Variants in MTHFD2 observed in about 807,000 individuals in gnomAD.
MTHFD2 encodes the protein methylenetetrahydrofolate dehydrogenase (NADP+ dependent) 2, methenyltetrahydrofolate cyclohydrolase.
In MTHFD2, 26 loss-of-function variants were observed where a neutral mutation model predicts 36.8. That is an observed-to-expected ratio of 0.71 (90% confidence interval 0.52 to 0.98). The LOEUF is 0.98. Among genes scored for constraint, MTHFD2 ranks in the 50% least tolerant of loss-of-function variants. MTHFD2 has a pLI of 0.00. For synonymous variants in MTHFD2, 164 were observed against 155.2 expected, an observed-to-expected ratio of 1.06 and a Z score of -0.42; for missense variants, 373 against 434.0, an observed-to-expected ratio of 0.86 and a Z score of 1.25.
intron 2 of MTHFD2, chr2:74,206,322 T>A (rs1334159256): frequency 6.5e-6 from 1 of 154,582 alleles, no homozygotes; most frequent in Non-Finnish European, 1.4e-5. Context: ...AGTCGTAGAT[T>A]TGAAGGAAAT....
chr2:74,200,343 TCTTTTCA>T lies in MTHFD2; in HGVS notation c.101+1604_101+1610del, dbSNP rs561668198. Among the ~76,000 whole-genome samples, 48 of 152,360 alleles carry T rather than the reference TCTTTTCA, an allele frequency of 3.2e-4. 2 individuals carry two copies. The East Asian group carries it at 8.1e-3, about 26-fold the overall frequency. ...GTCTACACTCTCCAATAACAAATGC[TCTTTTCA>T]CTACCTTTCTGAAAGAACAAGTAAG... On this transcript the variant is annotated intron_variant, in intron 1 of 7. Transcript: ENST00000394053.
chr2:74,211,390 C>A (rs1694301070), intron 6 of MTHFD2, 99 bp downstream of exon 6: 1 of 736,138 alleles, frequency 1.4e-6, no homozygotes, highest in Non-Finnish European at 2.3e-6. Context: ...ATTCATCATT[C>A]CCCTTGTAAT....
Position 74,198,715 on chromosome 2 carries a change from T to TTCGCCC in MTHFD2, c.76_81dup (p.Arg26_Pro27dup). The TTCGCCC allele has an allele frequency of 3.1e-6, 5 of 1,610,828 alleles. No homozygotes were observed. Among genetic ancestry groups the TTCGCCC allele is most frequent in the Non-Finnish European group, 4.2e-6 (5 of 1,178,794 alleles). ...CCCGCGCACAGCTGCTCCCTTCGCC[T>TTCGCCC]TCGCCCTTTCCACCTCGCGGCAGTT... On this transcript the variant is annotated inframe_insertion, in exon 1 of 8. Coordinates refer to ENST00000394053, the MANE Select transcript of MTHFD2 (RefSeq NM_006636.4).
intron 2 of MTHFD2, chr2:74,206,113 AAAG>A (rs1303970948): frequency 9.6e-6 from 4 of 416,418 alleles, no homozygotes; most frequent in Non-Finnish European, 1.7e-5. Context: ...TGGCTTCTGG[AAAG>A]AATATAAGCT....
At chr2:74,210,339 A>C (rs1694275868) in intron 5 of MTHFD2, among the ~76,000 whole-genome samples, 1 of 152,236 alleles carries the variant, frequency 6.6e-6, no homozygotes, top group Non-Finnish European at 1.5e-5. Context: ...TGATAGCTGG[A>C]GCTAAGGAGC....
intron 1 of MTHFD2, 112 bp downstream of exon 1, chr2:74,198,854 C>A: frequency 9.5e-7 from 1 of 1,052,636 alleles, no homozygotes. Flanking sequence ...ACATCTCCGC[C>A]CCGGCGGTGG....
chr2:74,209,020 C>T (rs1282845203), intron 4 of MTHFD2, among the ~76,000 whole-genome samples: 12 of 151,396 alleles, frequency 7.9e-5, no homozygotes, highest in Admixed American at 6.6e-4. Flanking sequence ...ATTACAGGCA[C>T]GTGCCACCAT....
Position 74,211,821 on chromosome 2 carries a change from C to G in MTHFD2, c.844C>G (p.Pro282Ala). Residue 282 changes from proline (P) to alanine (A), a missense_variant, in exon 7 of 8, where the codon CCT (proline) becomes GCT (alanine). Pro to Ala is a conservative substitution (Grantham distance 27). This residue lies in a region of MTHFD2 where 308 missense variants were observed against 397.8 expected (regional missense o/e 0.77). Transcript: ENST00000394053. ...IDVGINRVHD[P>A]VTAKPKLVGD... ...TGTGGGAATAAATAGAGTTCACGAT[C>G]CTGTAACTGCCAAACCCAAGTTGGT... The G allele has an allele frequency of 6.2e-7, 1 of 1,611,574 alleles. No individual in the cohort carries two copies. The highest frequency in any genetic ancestry group is 1.1e-5 in the South Asian group (1 of 90,922).
At position 74,217,550 on chromosome 2, in the gene MTHFD2, T is replaced by G. The variant is rs1200893371; in HGVS notation, c.*3308T>G. On this transcript the variant is annotated 3_prime_UTR_variant, in exon 8 of 8. Transcript: ENST00000394053. ...GACTTTGGGAATAAACATTGAAAAT[T>G]TGCAGGGAGGACCCACCCAAATGTA... 1 of 152,176 alleles carries G rather than the reference T, an allele frequency of 6.6e-6. No homozygotes were observed. Among genetic ancestry groups the G allele is most frequent in the African/African-American group, 2.4e-5 (1 of 41,446 alleles). 9.4% of individuals were successfully genotyped at this position (152,176 alleles called of 1,614,324 possible).
chr2:74,202,114 C>T lies in MTHFD2; in HGVS notation c.101+3372C>T, dbSNP rs1291813815. Among the ~76,000 whole-genome samples, 7 of 152,150 alleles carry T rather than the reference C, an allele frequency of 4.6e-5. No homozygotes were observed. The South Asian group carries it at 8.3e-4, about 18-fold the overall frequency. On this transcript the variant is annotated intron_variant, in intron 1 of 7. Transcript: ENST00000394053. ...GCTAATACCATTTTCTCTAAGTTTA[C>T]TGCTTTCAAAAGAAACTTTTTATGA... is the stretch of plus-strand genomic sequence containing the variant.
chr2:74,201,958 CTTTT>C (rs532786535), intron 1 of MTHFD2, among the ~76,000 whole-genome samples: 1 of 141,874 alleles, frequency 7.0e-6, no homozygotes, highest in Non-Finnish European at 1.6e-5. Context: ...TCTTTCTTTT[CTTTT>C]TTTTTTTTTA....
chr2:74,198,748 AG>A lies in MTHFD2; in HGVS notation c.101+9del. ...TTCCACCTCGCGGCAGTTCGGTAAGAGGGTCACAGAGCTCGGTCAGCGCGGA... is the reference window on the plus strand; with the variant it reads ...TTCCACCTCGCGGCAGTTCGGTAAGAGGTCACAGAGCTCGGTCAGCGCGGA... On this transcript the variant is annotated splice_region_variant and intron_variant, in intron 1 of 7. Coordinates refer to ENST00000394053, the MANE Select transcript of MTHFD2 (RefSeq NM_006636.4). 1 of 1,602,160 alleles carries A rather than the reference AG, an allele frequency of 6.2e-7. No homozygotes were observed. Among genetic ancestry groups the A allele is most frequent in the Non-Finnish European group, 8.5e-7 (1 of 1,175,054 alleles).
chr2:74,209,877 G>A lies in MTHFD2; in HGVS notation c.563-65G>A, dbSNP rs1025862880. The A allele has an allele frequency of 2.1e-5, 30 of 1,411,934 alleles. 1 individual carries two copies. In the South Asian group the frequency reaches 3.9e-4, roughly 18 times the overall value. The allele number at this position is 1,411,934 out of a possible 1,614,324, so 87.5% of individuals were successfully genotyped here. A position where few individuals can be genotyped will look rare whatever the true frequency, so the allele number is the denominator to read the frequency against. On this transcript the variant is annotated intron_variant, in intron 4 of 7. Transcript: ENST00000394053. ...AGGCAAAATTGGGTTCATGTTCTAG[G>A]CCATCTGACTTTGTTTTCCTTTGGA...
chr2:74,214,476 C>A lies in MTHFD2; in HGVS notation c.*234C>A. 1 of 310,168 alleles carries A rather than the reference C, an allele frequency of 3.2e-6. No individual in the cohort carries two copies. Among genetic ancestry groups the A allele is most frequent in the Non-Finnish European group, 6.0e-6 (1 of 165,644 alleles). 19.2% of individuals were successfully genotyped at this position (310,168 alleles called of 1,614,324 possible). ...GATCTAGCCAGGAGCAGCCATTAAC[C>A]TAGTGATTAATATGGGAGACATTAC... On this transcript the variant is annotated 3_prime_UTR_variant, in exon 8 of 8. Coordinates refer to ENST00000394053, the MANE Select transcript of MTHFD2 (RefSeq NM_006636.4).
chr2:74,202,931 C>T (rs541102973), intron 1 of MTHFD2, among the ~76,000 whole-genome samples: 4 of 152,232 alleles, frequency 2.6e-5, no homozygotes, highest in African/African-American at 7.2e-5. Flanking sequence ...TAATTAAATG[C>T]TATTATATGT....
chr2:74,212,898 C>G (rs1248409965), intron 7 of MTHFD2, among the ~76,000 whole-genome samples: 1 of 139,006 alleles, frequency 7.2e-6, no homozygotes, highest in Non-Finnish European at 1.6e-5. Flanking sequence ...TAGATTTCTT[C>G]TTTCAGTTCT....
intron 1 of MTHFD2, among the ~76,000 whole-genome samples, chr2:74,203,500 G>A (rs1343121171): frequency 2.6e-5 from 4 of 152,120 alleles, no homozygotes; most frequent in Admixed American, 2.6e-4. Flanking sequence ...AGCAGTTACT[G>A]GCCGGGTGCA....
rs778303462 is a variant in MTHFD2, at chr2:74,211,304, G to C, written c.763+13G>C. On this transcript the variant is annotated intron_variant, in intron 6 of 7. Coordinates refer to ENST00000394053, the MANE Select transcript of MTHFD2 (RefSeq NM_006636.4). ...ATATCTGCTGCAGGTAAGAACACAA[G>C]GGGGATGGAGGGAAGGACTTCACCT... 3 of 1,532,944 alleles carry C rather than the reference G, an allele frequency of 2.0e-6. No individual in the cohort carries two copies. Among genetic ancestry groups the C allele is most frequent in the Non-Finnish European group, 2.7e-6 (3 of 1,109,724 alleles). The allele number at this position is 1,532,944 out of a possible 1,614,324, so 95.0% of individuals were successfully genotyped here.
rs1694160644 is a variant in MTHFD2, at chr2:74,205,724, T to C, written c.121T>C (p.Ser41Pro). The C allele has an allele frequency of 1.2e-6, 2 of 1,613,768 alleles. No homozygotes were observed. Among genetic ancestry groups the C allele is most frequent in the Admixed American group, 1.7e-5 (1 of 59,950 alleles). Residue 41 changes from serine to proline, a missense_variant, in exon 2 of 8, where the codon TCT becomes CCT. By Grantham distance (74) the Ser-to-Pro change is moderately conservative. Coordinates refer to ENST00000394053, the MANE Select transcript of MTHFD2 (RefSeq NM_006636.4). Reference protein sequence around the residue: ...AAVRNEAVVISGRKLAQQIKQ... With the variant: ...AAVRNEAVVIPGRKLAQQIKQ... ...CTGCAGAAATGAAGCTGTTGTCATT[T>C]CTGGAAGGAAACTGGCCCAGCAGAT... is the stretch of plus-strand genomic sequence containing the variant.
Sources: allele counts gnomAD v4.1 joint callset (sites outside exome capture counted in the v4.1 genomes callset), GRCh38; gene constraint gnomAD v4.1.1; regional missense constraint gnomAD v4.1.1; transcripts MANE v1.5; gene names NCBI Gene and HGNC (gene_info 2026-07-23, HGNC 2026-07-21).